SORCS1: variants seen among roughly 807,000 people sequenced by gnomAD.
SORCS1 encodes sortilin related VPS10 domain containing receptor 1.
SORCS1 carries 60 observed loss-of-function variants against 146.1 expected under a neutral mutation model. That is an observed-to-expected ratio of 0.41 (90% CI 0.33 to 0.51). SORCS1 has a LOEUF of 0.51. Among genes scored for constraint, SORCS1 ranks in the 20% least tolerant of loss-of-function variants. The pLI, the probability that SORCS1 is intolerant of heterozygous loss-of-function variation, is 0.21. For synonymous variants in SORCS1, 637 were observed against 584.0 expected (o/e 1.09, Z -1.31); for missense variants, 1,352 against 1,487.6 (o/e 0.91, Z 1.50).
At chr10:106,769,441 C>T (rs2001340) in intron 4 of SORCS1, among the ~76,000 whole-genome samples, 5,365 of 146,936 alleles carry the variant, frequency 0.037, 201 homozygotes, top group East Asian at 0.11. Flanking sequence ...GCTGAGATCG[C>T]GCCATTGCAC....
At chr10:107,102,029 C>T (rs923455961) in intron 1 of SORCS1, among the ~76,000 whole-genome samples, 1 of 152,002 alleles carries the variant, frequency 6.6e-6, no homozygotes, top group Non-Finnish European at 1.5e-5. Context: ...TTCAGTATGG[C>T]CTGGATCAAA....
chr10:106,988,902 G>C (rs1406994207), intron 1 of SORCS1, among the ~76,000 whole-genome samples: 1 of 152,022 alleles, frequency 6.6e-6, no homozygotes, highest in Non-Finnish European at 1.5e-5. Context: ...ATCTTGTACT[G>C]ATGAGACAAG....
chr10:107,023,410 T>TTA (rs1362212162), intron 1 of SORCS1, among the ~76,000 whole-genome samples: 1 of 152,214 alleles, frequency 6.6e-6, no homozygotes, highest in Non-Finnish European at 1.5e-5. Flanking sequence ...GTTGTATTCA[T>TTA]TTTAGCACTG....
rs1010877529 is a variant in SORCS1, at chr10:106,943,710, T to G, written c.626+12803A>C. Among the ~76,000 whole-genome samples the G allele has an allele frequency of 2.0e-5, 3 of 152,054 alleles. No homozygotes were observed. The East Asian group carries it at 5.8e-4, about 29-fold the overall frequency. ...CTGTAGTCCCAGCTACTCGGGAGGCTGAGGCAGGAGAATGGCGTGAACCCG... is the reference window on the plus strand; with the variant it reads ...CTGTAGTCCCAGCTACTCGGGAGGCGGAGGCAGGAGAATGGCGTGAACCCG... On this transcript the variant is annotated intron_variant, in intron 2 of 25. Coordinates refer to ENST00000263054, the MANE Select transcript of SORCS1 (RefSeq NM_052918.5).
At chr10:107,038,424 A>T (rs1959003527) in intron 1 of SORCS1, among the ~76,000 whole-genome samples, 1 of 151,628 alleles carries the variant, frequency 6.6e-6, no homozygotes, top group East Asian at 2.0e-4. Flanking sequence ...CAGCATTAGG[A>T]GATATACCTA....
intron 1 of SORCS1, among the ~76,000 whole-genome samples, chr10:107,137,026 T>C (rs1213573716): frequency 6.6e-6 from 1 of 152,158 alleles, no homozygotes; most frequent in African/African-American, 2.4e-5. Context: ...GGAAAGGAAA[T>C]GTTTCACCAA....
intron 1 of SORCS1, among the ~76,000 whole-genome samples, chr10:107,150,034 G>T (rs1968644398): frequency 6.6e-6 from 1 of 152,206 alleles, no homozygotes; most frequent in South Asian, 2.1e-4. Flanking sequence ...AGTCATCTTT[G>T]CTCCCATAGC....
intron 1 of SORCS1, among the ~76,000 whole-genome samples, chr10:107,128,144 C>G (rs1354364945): frequency 6.6e-6 from 1 of 152,296 alleles, no homozygotes; most frequent in African/African-American, 2.4e-5. Flanking sequence ...AGGCAGGAAA[C>G]AAATTCCATA....
chr10:106,822,955 G>T, intron 3 of SORCS1, among the ~76,000 whole-genome samples: 1 of 151,434 alleles, frequency 6.6e-6, no homozygotes, highest in African/African-American at 2.4e-5. Flanking sequence ...TAATTTTTTT[G>T]TATTTTTAGT....
At chr10:107,178,365 A>G in the SORCS1 span, among the ~76,000 whole-genome samples, 1 of 152,106 alleles carries the variant, frequency 6.6e-6, no homozygotes, top group Non-Finnish European at 1.5e-5. Context: ...AAGCTCCCAC[A>G]AATGAGTGTG....
chr10:106,894,272 T>TGCGCACGTGTGC (rs764566539), intron 2 of SORCS1, among the ~76,000 whole-genome samples: 1 of 32,966 alleles, frequency 3.0e-5, no homozygotes, highest in African/African-American at 1.5e-4. Context: ...CACGTGTGCG[T>TGCGCACGTGTGC]GTGTGTGTGT....
intron 2 of SORCS1, among the ~76,000 whole-genome samples, chr10:106,865,166 A>G (rs1385781482): frequency 1.3e-5 from 2 of 150,660 alleles, no homozygotes; most frequent in African/African-American, 4.9e-5. Flanking sequence ...ACATGGCCAG[A>G]CTGCTTTTTA....
At chr10:106,925,132 T>C (rs113047394) in intron 2 of SORCS1, among the ~76,000 whole-genome samples, 3 of 152,314 alleles carry the variant, frequency 2.0e-5, no homozygotes, top group African/African-American at 7.2e-5. Context: ...TCTGGCAGTA[T>C]TGCTCATTTG....
At chr10:106,674,964 C>T in intron 14 of SORCS1, 85 bp downstream of exon 14, 2 of 1,063,550 alleles carry the variant, frequency 1.9e-6, no homozygotes, top group Non-Finnish European at 2.8e-6. Context: ...CTAACAGCTG[C>T]AAATCAAACA....
At position 106,618,248 on chromosome 10, in the gene SORCS1, T is replaced by C. The variant is rs1253316599; in HGVS notation, c.2821A>G (p.Ile941Val). 3 of 1,614,096 alleles carry C rather than the reference T, an allele frequency of 1.9e-6. No homozygotes were observed. Among genetic ancestry groups the C allele is most frequent in the South Asian group, 1.1e-5 (1 of 91,084 alleles). ...TEPLITLEGSISFRFTSEGMN... is the reference protein window; with the variant it reads ...TEPLITLEGSVSFRFTSEGMN... The stretch of plus-strand genomic sequence containing the variant: ...CCTTCTGAAGTAAATCTGAAGGATA[T>C]GCTTCCCTCCAAGGTGATCAAAGGC... Residue 941 changes from isoleucine to valine, a missense_variant, in exon 21 of 26, where the codon ATA (isoleucine) becomes GTA (valine). Ile to Val is a conservative substitution (Grantham distance 29). Around this residue, in one of 3 missense-constraint regions of SORCS1, gnomAD observed 648 missense variants for 793.8 expected, o/e 0.82. Coordinates refer to ENST00000263054, the MANE Select transcript of SORCS1 (RefSeq NM_052918.5).
intron 6 of SORCS1, among the ~76,000 whole-genome samples, chr10:106,719,785 A>C: frequency 6.6e-6 from 1 of 152,214 alleles, no homozygotes; most frequent in East Asian, 1.9e-4. Context: ...GAGATGCTCA[A>C]CAAAGAACAG....
intron 3 of SORCS1, among the ~76,000 whole-genome samples, chr10:106,795,456 G>A (rs1246328364): frequency 6.6e-6 from 1 of 152,094 alleles, no homozygotes; most frequent in Non-Finnish European, 1.5e-5. Flanking sequence ...GTAAGGTTTA[G>A]ATCAAATTCA....
At chr10:106,832,250 G>C (rs79105147) in intron 2 of SORCS1, among the ~76,000 whole-genome samples, 6,350 of 150,646 alleles carry the variant, frequency 0.042, 418 homozygotes, top group African/African-American at 0.14. Context: ...GTGCAGTTGG[G>C]TGATCTCTGC....
chr10:107,114,595 G>A (rs1427217576), intron 1 of SORCS1, among the ~76,000 whole-genome samples: 1 of 152,024 alleles, frequency 6.6e-6, no homozygotes, highest in Non-Finnish European at 1.5e-5. Flanking sequence ...GATGTAGAAG[G>A]AATTTACTTC....
Sources: allele counts gnomAD v4.1 joint callset (sites outside exome capture counted in the v4.1 genomes callset), GRCh38; gene constraint gnomAD v4.1.1; regional missense constraint gnomAD v4.1.1; transcripts MANE v1.5; gene names NCBI Gene and HGNC (gene_info 2026-07-23, HGNC 2026-07-21).